Variants in FSD1L observed in about 807,000 individuals in gnomAD.
The protein encoded by FSD1L is fibronectin type III and SPRY domain containing 1 like.
FSD1L carries 45 observed loss-of-function variants against 71.6 expected under a neutral mutation model. That is an observed-to-expected ratio of 0.63 (90% CI 0.49 to 0.81). The LOEUF is 0.81. Among genes scored for constraint, FSD1L ranks in the 30% least tolerant of loss-of-function variants. FSD1L has a pLI of 0.00. For synonymous variants in FSD1L, 197 were observed against 207.2 expected (o/e 0.95, Z 0.42); for missense variants, 561 against 618.1 (o/e 0.91, Z 0.98).
At chr9:105,493,053 C>G (rs1042065171) in intron 7 of FSD1L, among the ~76,000 whole-genome samples, 1 of 152,094 alleles carries the variant, frequency 6.6e-6, no homozygotes, top group African/African-American at 2.4e-5. Context: ...CCTGGATATC[C>G]TTGTTAACTT....
chr9:105,523,803 G>C, intron 10 of FSD1L: 5 of 1,600,928 alleles, frequency 3.1e-6, no homozygotes, highest in Non-Finnish European at 4.3e-6. Context: ...ACTTCATATT[G>C]ACCAGGATAT....
chr9:105,551,298 T>C lies in FSD1L; in HGVS notation c.*4815T>C, dbSNP rs1837251932. Reference sequence around the variant, plus strand: ...CCTGGATATGACATAAAAAGGATTTTGGCTTCTTTTTTGAAGTATTTAAAA... The same window carrying C: ...CCTGGATATGACATAAAAAGGATTTCGGCTTCTTTTTTGAAGTATTTAAAA... On this transcript the variant is annotated 3_prime_UTR_variant, in exon 14 of 14. Transcript: ENST00000481272. The C allele has an allele frequency of 6.6e-6, 1 of 152,120 alleles. No individual in the cohort carries two copies. Among genetic ancestry groups the C allele is most frequent in the South Asian group, 2.1e-4 (1 of 4,828 alleles). 9.4% of individuals were successfully genotyped at this position (152,120 alleles called of 1,614,324 possible).
At chr9:105,520,569 T>A (rs1228423350) in intron 10 of FSD1L, 2 of 1,365,138 alleles carry the variant, frequency 1.5e-6, no homozygotes, top group African/African-American at 2.9e-5. Context: ...CATGGCAGTT[T>A]CATAATATTG....
intron 13 of FSD1L, 113 bp downstream of exon 13, chr9:105,539,464 C>T: frequency 2.3e-6 from 1 of 438,068 alleles, no homozygotes; most frequent in East Asian, 3.6e-5. Context: ...GTTTTTTCTT[C>T]ATATTCTCCT....
Position 105,550,641 on chromosome 9 carries a change from A to C in FSD1L, c.*4158A>C, listed in dbSNP as rs150636597. 6.6e-6 allele frequency: 1 copy of C among 152,086 alleles called. No homozygotes were observed. Among genetic ancestry groups the C allele is most frequent in the African/African-American group, 2.4e-5 (1 of 41,544 alleles). 9.4% of individuals were successfully genotyped at this position (152,086 alleles called of 1,614,324 possible). On this transcript the variant is annotated 3_prime_UTR_variant, in exon 14 of 14. Coordinates refer to ENST00000481272, the MANE Select transcript of FSD1L (RefSeq NM_001145313.3). ...TAACCTAAACAGTTTAAGCATTTTG[A>C]ATTAGTTGGAGTTTAAATGGATTAC...
chr9:105,509,083 T>G (rs904721864), intron 9 of FSD1L, among the ~76,000 whole-genome samples: 1 of 152,230 alleles, frequency 6.6e-6, no homozygotes, highest in Admixed American at 6.5e-5. Context: ...TTAGTTCAGG[T>G]CCTCTCTGTT....
intron 10 of FSD1L, chr9:105,525,257 C>G: frequency 6.2e-7 from 1 of 1,606,672 alleles, no homozygotes; most frequent in Non-Finnish European, 8.5e-7. Flanking sequence ...ACTGTACCAA[C>G]TTGGGATACA....
chr9:105,512,945 G>A lies in FSD1L; in HGVS notation c.1025+9G>A. 1 of 1,511,356 alleles carries A rather than the reference G, an allele frequency of 6.6e-7. No homozygotes were observed. Among genetic ancestry groups the A allele is most frequent in the Non-Finnish European group, 8.8e-7 (1 of 1,132,934 alleles). The allele number at this position is 1,511,356 out of a possible 1,614,324, so 93.6% of individuals were successfully genotyped here. A position where few individuals can be genotyped will look rare whatever the true frequency, so the allele number is the denominator to read the frequency against. Reference sequence around the variant, plus strand: ...AAAGAGAACAAGGGCAGGTAAGCTAGACCATTAAATCTGCCATATGGACAA... The same window carrying A: ...AAAGAGAACAAGGGCAGGTAAGCTAAACCATTAAATCTGCCATATGGACAA... On this transcript the variant is annotated intron_variant, in intron 10 of 13. Coordinates refer to ENST00000481272, the MANE Select transcript of FSD1L (RefSeq NM_001145313.3).
intron 7 of FSD1L, among the ~76,000 whole-genome samples, chr9:105,488,980 A>G (rs1287993327): frequency 1.3e-5 from 2 of 152,166 alleles, no homozygotes; most frequent in Non-Finnish European, 2.9e-5. Flanking sequence ...ACCTTCTTAC[A>G]GCCAGAGAAA....
intron 10 of FSD1L, chr9:105,522,252 GA>G (rs1835218077): frequency 6.2e-7 from 1 of 1,613,054 alleles, no homozygotes; most frequent in Non-Finnish European, 8.5e-7. Context: ...ACTGACTATG[GA>G]GACATTAACT....
At chr9:105,492,678 C>T (rs1381166077) in intron 7 of FSD1L, among the ~76,000 whole-genome samples, 1 of 151,984 alleles carries the variant, frequency 6.6e-6, no homozygotes, top group East Asian at 1.9e-4. Flanking sequence ...TGAATGTGTC[C>T]CAGAGATTCT....
intron 1 of FSD1L, among the ~76,000 whole-genome samples, chr9:105,455,921 C>G (rs993135186): frequency 6.6e-6 from 1 of 152,102 alleles, no homozygotes; most frequent in Non-Finnish European, 1.5e-5. Context: ...ATTTTTGTAT[C>G]TTGATTTTTT....
chr9:105,502,232 A>G (rs767740207), intron 7 of FSD1L, among the ~76,000 whole-genome samples: 1 of 152,214 alleles, frequency 6.6e-6, no homozygotes, highest in Non-Finnish European at 1.5e-5. Context: ...ATGATAATAT[A>G]AAGTTTATGG....
intron 10 of FSD1L, chr9:105,526,328 A>G (rs1021451467): frequency 1.2e-6 from 2 of 1,611,158 alleles, no homozygotes; most frequent in Admixed American, 1.7e-5. Flanking sequence ...CCAGCTCCCT[A>G]CCACCATTTA....
At chr9:105,469,377 C>CG (rs1831288291) in intron 4 of FSD1L, among the ~76,000 whole-genome samples, 1 of 79,260 alleles carries the variant, frequency 1.3e-5, no homozygotes, top group Admixed American at 1.4e-4. Flanking sequence ...CACTATTTTA[C>CG]ATCCTACCAG....
At chr9:105,464,894 C>T (rs889613942) in intron 3 of FSD1L, among the ~76,000 whole-genome samples, 3 of 152,040 alleles carry the variant, frequency 2.0e-5, no homozygotes, top group Non-Finnish European at 2.9e-5. Context: ...GTAGGAGGAT[C>T]GTCTGAGCCC....
At chr9:105,544,306 T>A (rs953222108) in intron 13 of FSD1L, among the ~76,000 whole-genome samples, 10 of 152,122 alleles carry the variant, frequency 6.6e-5, no homozygotes, top group Non-Finnish European at 1.0e-4. Context: ...GTTTGAGTTC[T>A]TTGTAGATTC....
intron 1 of FSD1L, among the ~76,000 whole-genome samples, chr9:105,454,291 A>G (rs540454640): frequency 1.3e-5 from 2 of 152,270 alleles, no homozygotes; most frequent in Admixed American, 6.5e-5. Context: ...TAATCATTCT[A>G]CAATACTTTT....
At chr9:105,455,835 C>G (rs933515691) in intron 1 of FSD1L, among the ~76,000 whole-genome samples, 4 of 152,206 alleles carry the variant, frequency 2.6e-5, no homozygotes, top group Non-Finnish European at 5.9e-5. Flanking sequence ...TAATGAAATA[C>G]TAACTAAATT....
Sources: allele counts gnomAD v4.1 joint callset (sites outside exome capture counted in the v4.1 genomes callset), GRCh38; gene constraint gnomAD v4.1.1; transcripts MANE v1.5; gene names NCBI Gene and HGNC (gene_info 2026-07-23, HGNC 2026-07-21).